Variants in TFAP2D observed in about 807,000 individuals in gnomAD.
The protein encoded by TFAP2D is transcription factor AP-2 delta.
TFAP2D carries 9 observed loss-of-function variants against 43.6 expected under a neutral mutation model. The observed-to-expected ratio is 0.21, with a 90% CI of 0.12 to 0.36. TFAP2D has a LOEUF of 0.36. Among genes scored for constraint, TFAP2D ranks in the 10% least tolerant of loss-of-function variants. TFAP2D has a pLI of 1.00. For missense variants in TFAP2D, 513 were observed against 561.4 expected, an observed-to-expected ratio of 0.91 and a Z score of 0.87; for synonymous variants, 256 against 224.9, an observed-to-expected ratio of 1.14 and a Z score of -1.24.
chr6:50,732,984 T>A (rs974128641), intron 5 of TFAP2D, among the ~76,000 whole-genome samples: 5 of 152,094 alleles, frequency 3.3e-5, no homozygotes, highest in African/African-American at 1.2e-4. Flanking sequence ...TAGGGATGTA[T>A]AAGATAGGGT....
intron 2 of TFAP2D, among the ~76,000 whole-genome samples, chr6:50,717,485 T>C (rs772812389): frequency 1.2e-4 from 18 of 152,230 alleles, no homozygotes; most frequent in Admixed American, 2.0e-4. Context: ...ATCATCTACA[T>C]TTCAGATATT....
intron 5 of TFAP2D, among the ~76,000 whole-genome samples, chr6:50,742,954 AACACACACACACACACACAC>A (rs3060372): frequency 1.4e-5 from 2 of 139,600 alleles, no homozygotes; most frequent in African/African-American, 5.2e-5. Context: ...ACGACTTTAA[AACACACACACACACACACAC>A]ACACACACAC....
chr6:50,734,650 A>G (rs1768938495), intron 5 of TFAP2D, among the ~76,000 whole-genome samples: 1 of 152,094 alleles, frequency 6.6e-6, no homozygotes, highest in East Asian at 1.9e-4. Context: ...CTCTAGCCAG[A>G]AAATTACCCA....
chr6:50,746,647 G>A (rs1295836011), intron 6 of TFAP2D, among the ~76,000 whole-genome samples: 4 of 152,152 alleles, frequency 2.6e-5, no homozygotes, highest in Non-Finnish European at 4.4e-5. Context: ...TACTGGCTGA[G>A]ATTTAAATTG....
intron 3 of TFAP2D, 146 bp downstream of exon 3, chr6:50,719,296 A>T (rs936498336): frequency 2.4e-6 from 2 of 831,776 alleles, no homozygotes; most frequent in Admixed American, 2.5e-5. Context: ...CAACACTGGC[A>T]TATCCACATT....
rs1405988710 is a variant in TFAP2D at position 50,728,951 on chromosome 6, G to A, written c.694G>A (p.Ala232Thr). The change falls in exon 4 of 8, where the codon GCT becomes ACT. Residue 232 changes from alanine to threonine, a missense_variant. This residue lies in a region of TFAP2D where 311 missense variants were observed against 316.2 expected (regional missense o/e 0.98). Coordinates refer to ENST00000008391, the MANE Select transcript of TFAP2D (RefSeq NM_172238.4). Reference sequence around the variant, plus strand: ...TACTTCCAAATACAAGGTGACCATTGCTGAGGTAAAGAGGCGCCTCTCCCC... The same window carrying A: ...TACTTCCAAATACAAGGTGACCATTACTGAGGTAAAGAGGCGCCTCTCCCC... ...SSTSKYKVTI[A>T]EVKRRLSPPE... The A allele has an allele frequency of 6.2e-7, 1 of 1,613,998 alleles. No individual in the cohort carries two copies.
At chr6:50,740,532 C>G (rs1561936292) in intron 5 of TFAP2D, among the ~76,000 whole-genome samples, 1 of 152,144 alleles carries the variant, frequency 6.6e-6, no homozygotes. Context: ...CTCCCGAGTT[C>G]AAGCAATTCT....
chr6:50,739,609 T>C (rs1358524503), intron 5 of TFAP2D, among the ~76,000 whole-genome samples: 1 of 152,180 alleles, frequency 6.6e-6, no homozygotes. Flanking sequence ...ATGGCTCCAC[T>C]GATAGAGGGA....
Position 50,738,120 on chromosome 6 carries a change from T to G in TFAP2D, c.884-6987T>G, listed in dbSNP as rs536111420. 2.2e-3 allele frequency among the ~76,000 whole-genome samples: 341 copies of G among 152,264 alleles called. 3 individuals carry two copies. Among genetic ancestry groups the G allele is most frequent in the Non-Finnish European group, 4.0e-3 (272 of 67,998 alleles). On this transcript the variant is annotated intron_variant, in intron 5 of 7. Transcript: ENST00000008391. ...ATCAATTTTTTTATCATTGCTTATTTGATTGACTAAAAAAACCCTCTATTA... is the reference window on the plus strand; with the variant it reads ...ATCAATTTTTTTATCATTGCTTATTGGATTGACTAAAAAAACCCTCTATTA...
intron 6 of TFAP2D, 21 bp downstream of exon 6, chr6:50,745,269 T>A (rs778236945): frequency 1.9e-6 from 3 of 1,610,098 alleles, no homozygotes; most frequent in South Asian, 2.2e-5. Context: ...TGGGGAAACC[T>A]CTGTGTGCTT....
chr6:50,762,513 A>T (rs1215842108), intron 7 of TFAP2D, among the ~76,000 whole-genome samples: 3 of 152,122 alleles, frequency 2.0e-5, no homozygotes, highest in Non-Finnish European at 4.4e-5. Flanking sequence ...AGGAAAACGG[A>T]AAAGTAGAGC....
intron 7 of TFAP2D, among the ~76,000 whole-genome samples, chr6:50,755,861 A>C (rs1260893619): frequency 2.6e-5 from 4 of 151,934 alleles, no homozygotes. Context: ...ATGTGTTAGC[A>C]TACAGCATGT....
At chr6:50,730,047 GT>G in intron 5 of TFAP2D, among the ~76,000 whole-genome samples, 1 of 152,134 alleles carries the variant, frequency 6.6e-6, no homozygotes, top group Middle Eastern at 3.4e-3. Context: ...TCAAAGGAAA[GT>G]TTTTTCATCA....
At chr6:50,734,460 C>T (rs1025291451) in intron 5 of TFAP2D, among the ~76,000 whole-genome samples, 14 of 152,194 alleles carry the variant, frequency 9.2e-5, no homozygotes, top group African/African-American at 2.6e-4. Flanking sequence ...TCTCACTCAT[C>T]GCAGTCTGAT....
intron 3 of TFAP2D, among the ~76,000 whole-genome samples, chr6:50,719,963 C>T (rs77616987): frequency 6.2e-4 from 95 of 152,282 alleles, no homozygotes; most frequent in Non-Finnish European, 1.2e-3. Flanking sequence ...TTCTCAGAGC[C>T]TTAAGGCAGT....
At chr6:50,751,789 A>G (rs768866455) in intron 7 of TFAP2D, among the ~76,000 whole-genome samples, 4 of 151,888 alleles carry the variant, frequency 2.6e-5, no homozygotes, top group Non-Finnish European at 5.9e-5. Context: ...CACATATTCA[A>G]CCATAGCAGT....
At chr6:50,730,193 C>G (rs984994403) in intron 5 of TFAP2D, among the ~76,000 whole-genome samples, 6 of 152,108 alleles carry the variant, frequency 3.9e-5, no homozygotes, top group African/African-American at 1.2e-4. Flanking sequence ...AAGCACAAAA[C>G]CAAACATCTA....
At chr6:50,749,597 A>G (rs1769171999) in intron 6 of TFAP2D, among the ~76,000 whole-genome samples, 1 of 151,878 alleles carries the variant, frequency 6.6e-6, no homozygotes, top group South Asian at 2.1e-4. Flanking sequence ...AAGACAACAA[A>G]TCTATATTAA....
chr6:50,758,187 GAA>G (rs1769315918), intron 7 of TFAP2D, among the ~76,000 whole-genome samples: 1 of 151,708 alleles, frequency 6.6e-6, no homozygotes, highest in East Asian at 1.9e-4. Flanking sequence ...GGGAAATAAG[GAA>G]TGTATAGACA....
Sources: allele counts gnomAD v4.1 joint callset (sites outside exome capture counted in the v4.1 genomes callset), GRCh38; gene constraint gnomAD v4.1.1; regional missense constraint gnomAD v4.1.1; transcripts MANE v1.5; gene names NCBI Gene and HGNC (gene_info 2026-07-23, HGNC 2026-07-21).